MTFR2: variants seen among roughly 807,000 people sequenced by gnomAD.
MTFR2 encodes mitochondrial fission regulator 2, also known as DUF729 domain-containing protein 1.
A neutral mutation model predicts 41.2 loss-of-function variants in MTFR2; 44 were observed. The ratio of observed to expected loss-of-function variants is 1.07; its 90% CI spans 0.84 to 1.37. The LOEUF (loss-of-function observed/expected upper bound fraction) is 1.37, where lower values mean the gene tolerates loss of function less well. Among genes scored for constraint, MTFR2 ranks in the 40% most tolerant of loss-of-function variants. MTFR2 has a pLI of 0.00. For missense variants in MTFR2, 452 were observed against 459.5 expected, an observed-to-expected ratio of 0.98 and a Z score of 0.15; for synonymous variants, 141 against 154.6, an observed-to-expected ratio of 0.91 and a Z score of 0.65.
In MTFR2 at chr6:136,239,575, T is replaced by C; in HGVS notation, c.760A>G (p.Asn254Asp). The change falls in exon 6 of 8, where the codon AAT becomes GAT. Residue 254 changes from asparagine to aspartate, a missense_variant. Asn to Asp is a conservative substitution (Grantham distance 23, BLOSUM62 1). Coordinates refer to ENST00000420702, the MANE Select transcript of MTFR2 (RefSeq NM_001099286.3). ...TEMSKQNPAA[N>D]KTNYSHHSKS... is the part of the protein sequence containing the mutation. Reference sequence around the variant, plus strand: ...GAATGATGACTATAATTGGTCTTATTAGCAGCCGGGTTCTGTTTGCTCATT... The same window carrying C: ...GAATGATGACTATAATTGGTCTTATCAGCAGCCGGGTTCTGTTTGCTCATT... 6.2e-7 allele frequency: 1 copy of C among 1,614,180 alleles called. No individual in the cohort carries two copies. The highest frequency in any genetic ancestry group is 8.5e-7 in the Non-Finnish European group (1 of 1,180,022).
In MTFR2 at chr6:136,231,503, G is replaced by A. The variant is rs143750902; in HGVS notation, c.1045-115C>T. 542 of 649,286 alleles carry A rather than the reference G, an allele frequency of 8.3e-4. 4 individuals are homozygous for A. In the East Asian group the frequency reaches 0.011, roughly 13 times the overall value. The allele number at this position is 649,286 out of a possible 1,614,324, so 40.2% of individuals were successfully genotyped here. On this transcript the variant is annotated intron_variant, in intron 7 of 7. Coordinates refer to ENST00000420702, the MANE Select transcript of MTFR2 (RefSeq NM_001099286.3). ...GTTTCATTCACAATATTTATTTACC[G>A]TATTTATTACTATAATACATAGTTA...
intron 5 of MTFR2, among the ~76,000 whole-genome samples, chr6:136,241,085 C>T (rs1318805706): frequency 7.1e-6 from 1 of 140,632 alleles, no homozygotes; most frequent in Non-Finnish European, 1.5e-5. Flanking sequence ...AGCAAGACTG[C>T]GTCTCAAAAA....
intron 2 of MTFR2, chr6:136,247,442 A>G: frequency 4.4e-6 from 2 of 450,842 alleles, no homozygotes; most frequent in Non-Finnish European, 8.9e-6. Flanking sequence ...TTATTTAATT[A>G]GATCCCTTGC....
At chr6:136,236,615 A>G (rs932809560) in intron 6 of MTFR2, among the ~76,000 whole-genome samples, 1 of 152,112 alleles carries the variant, frequency 6.6e-6, no homozygotes, top group Non-Finnish European at 1.5e-5. Context: ...ACCTACAGCC[A>G]TGAGATTCTT....
intron 2 of MTFR2, among the ~76,000 whole-genome samples, chr6:136,245,112 C>G (rs981958268): frequency 1.3e-5 from 2 of 151,932 alleles, no homozygotes; most frequent in Non-Finnish European, 2.9e-5. Context: ...TATATACATT[C>G]CAGGAAGATC....
Position 136,239,835 on chromosome 6 carries a change from GTTT to G in MTFR2, c.515-18_515-16del, listed in dbSNP as rs765516982. 1 of 1,579,646 alleles carries G rather than the reference GTTT, an allele frequency of 6.3e-7. No homozygotes were observed. The highest frequency in any genetic ancestry group is 2.3e-5 in the East Asian group (1 of 44,362). ...GCCAAAGGAACCTACAAACAAAGTG[GTTT>G]ATTACAAAATCATGCACAATTATCT... On this transcript the variant is annotated splice_polypyrimidine_tract_variant and intron_variant, in intron 5 of 7. Transcript: ENST00000420702.
chr6:136,240,526 C>G (rs76114277), intron 5 of MTFR2, among the ~76,000 whole-genome samples: 71 of 152,190 alleles, frequency 4.7e-4, no homozygotes, highest in African/African-American at 1.6e-3. Flanking sequence ...ACAGCCAAAT[C>G]TGTTGTGAAA....
intron 6 of MTFR2, among the ~76,000 whole-genome samples, chr6:136,235,729 C>T (rs1352925180): frequency 2.0e-5 from 3 of 152,140 alleles, no homozygotes; most frequent in South Asian, 4.1e-4. Context: ...GTCAAGAGAT[C>T]GAGACCATCC....
Position 136,239,765 on chromosome 6 carries a change from C to A in MTFR2, c.570G>T (p.Arg190=). 1.2e-6 allele frequency: 2 copies of A among 1,613,944 alleles called. No individual in the cohort carries two copies. The highest frequency in any genetic ancestry group is 1.7e-6 in the Non-Finnish European group (2 of 1,179,986). Residue 190 remains arginine, a synonymous_variant, in exon 6 of 8, where the codon CGG becomes CGT. Coordinates refer to ENST00000420702, the MANE Select transcript of MTFR2 (RefSeq NM_001099286.3). ...CTGGGTCCACACTCAGATGGGCAGC[C>A]CGCGATGATGACAGCTGACCCAAAC... The part of the protein sequence containing the change: ...RISLGQLSSS[R]AAHLSVDPDQ...
At chr6:136,243,899 G>A (rs930199223) in intron 3 of MTFR2, among the ~76,000 whole-genome samples, 17 of 151,840 alleles carry the variant, frequency 1.1e-4, no homozygotes, top group African/African-American at 4.1e-4. Flanking sequence ...GCCCTGGGTA[G>A]GCCTAGGCTA....
In MTFR2 at chr6:136,239,803, C is replaced by A. The variant is rs770411900; in HGVS notation, c.532G>T (p.Asp178Tyr). 5.6e-6 allele frequency: 9 copies of A among 1,606,922 alleles called. No individual in the cohort carries two copies. Among genetic ancestry groups the A allele is most frequent in the Non-Finnish European group, 7.7e-6 (9 of 1,175,566 alleles). ...STNSSSFGLS[D>Y]ERISLGQLSS... Reference sequence around the variant, plus strand: ...AGCTGACCCAAACTAATGCGCTCGTCACTCAAGCCAAAGGAACCTACAAAC... The same window carrying A: ...AGCTGACCCAAACTAATGCGCTCGTAACTCAAGCCAAAGGAACCTACAAAC... The change falls in exon 6 of 8, where the codon GAC becomes TAC. Residue 178 changes from aspartate to tyrosine, a missense_variant. Physicochemically the swap from Asp to Tyr is radical, Grantham distance 160. Coordinates refer to ENST00000420702, the MANE Select transcript of MTFR2 (RefSeq NM_001099286.3).
At chr6:136,232,056 T>C (rs1356384664) in intron 7 of MTFR2, among the ~76,000 whole-genome samples, 1 of 152,206 alleles carries the variant, frequency 6.6e-6, no homozygotes, top group Admixed American at 6.5e-5. Context: ...AATTAAACAT[T>C]TATTTTAGAC....
rs779720529 is a variant in MTFR2 at position 136,241,615 on chromosome 6, G to A, written c.343C>T (p.Arg115Trp). 50 of 1,613,774 alleles carry A rather than the reference G, an allele frequency of 3.1e-5. No individual in the cohort carries two copies. Among genetic ancestry groups the A allele is most frequent in the African/African-American group, 5.3e-5 (4 of 74,826 alleles). Residue 115 changes from arginine to tryptophan, a missense_variant, in exon 5 of 8, where the codon CGG becomes TGG. Transcript: ENST00000420702. ...VEIFHPLRLV[R>W]DPLSPAVRQK... ...CTTACAGCAGGTGACAGTGGATCCC[G>A]AACTAGTCGCAAAGGATGAAAAATT... is the stretch of plus-strand genomic sequence containing the variant.
intron 7 of MTFR2, among the ~76,000 whole-genome samples, chr6:136,232,673 C>G (rs1779794914): frequency 6.6e-6 from 1 of 152,174 alleles, no homozygotes; most frequent in African/African-American, 2.4e-5. Flanking sequence ...TCCTGTCATT[C>G]TCAAGGCTTA....
chr6:136,231,669 TAAAAAA>T (rs71006791), intron 7 of MTFR2, among the ~76,000 whole-genome samples: 20 of 82,944 alleles, frequency 2.4e-4, no homozygotes, highest in African/African-American at 9.4e-4. Context: ...AAAAACTATG[TAAAAAA>T]AAAAAAAAAA....
At chr6:136,247,112 G>A (rs901688410) in intron 2 of MTFR2, among the ~76,000 whole-genome samples, 1 of 152,210 alleles carries the variant, frequency 6.6e-6, no homozygotes, top group Non-Finnish European at 1.5e-5. Flanking sequence ...CACTTCGGAA[G>A]GCCAAGGCAG....
At chr6:136,231,429 G>C in intron 7 of MTFR2, 41 bp from the exon 8 acceptor site, 6 of 1,242,482 alleles carry the variant, frequency 4.8e-6, no homozygotes, top group Non-Finnish European at 6.8e-6. Context: ...TTATTCTAAT[G>C]TCAAAAAAAA....
intron 7 of MTFR2, among the ~76,000 whole-genome samples, chr6:136,231,932 T>C (rs1336638956): frequency 6.6e-6 from 1 of 152,162 alleles, no homozygotes; most frequent in African/African-American, 2.4e-5. Flanking sequence ...TTATAGGCAC[T>C]ACAGGGATCA....
At position 136,249,139 on chromosome 6, in the gene MTFR2, T is replaced by G; in HGVS notation, c.-40A>C. 1 of 1,529,002 alleles carries G rather than the reference T, an allele frequency of 6.5e-7. No homozygotes were observed. The highest frequency in any genetic ancestry group is 1.2e-5 in the South Asian group (1 of 80,538). The allele number at this position is 1,529,002 out of a possible 1,614,324, so 94.7% of individuals were successfully genotyped here. A position where few individuals can be genotyped will look rare whatever the true frequency, so the allele number is the denominator to read the frequency against. ...CAGAAGCCAATTCAAAGGAACATTA[T>G]CAGTTTCTTGGTGCCTTTGGGGAAA... On this transcript the variant is annotated 5_prime_UTR_variant, in exon 2 of 8. Coordinates refer to ENST00000420702, the MANE Select transcript of MTFR2 (RefSeq NM_001099286.3).
Sources: allele counts gnomAD v4.1 joint callset (sites outside exome capture counted in the v4.1 genomes callset), GRCh38; gene constraint gnomAD v4.1.1; transcripts MANE v1.5; gene names NCBI Gene and HGNC (gene_info 2026-07-23, HGNC 2026-07-21).